CNTNAP5: variants seen among roughly 807,000 people sequenced by gnomAD.
CNTNAP5 encodes the protein contactin-associated protein-like 5.
A neutral mutation model predicts 150.2 loss-of-function variants in CNTNAP5; 72 were observed. That is an observed-to-expected ratio of 0.48 (90% CI 0.40 to 0.58). The LOEUF is 0.58. Ranked by LOEUF, CNTNAP5 falls within the 20% of genes least tolerant of loss-of-function variation. The pLI, the probability that CNTNAP5 is intolerant of heterozygous loss-of-function variation, is 0.00. For synonymous variants in CNTNAP5, 672 were observed against 619.8 expected (o/e 1.08, Z -1.25); for missense variants, 1,636 against 1,626.2 (o/e 1.01, Z -0.10).
intron 3 of CNTNAP5, among the ~76,000 whole-genome samples, chr2:124,292,225 C>T (rs929892116): frequency 3.3e-5 from 5 of 151,910 alleles, no homozygotes; most frequent in African/African-American, 1.2e-4. Context: ...GAACATTTCC[C>T]AGTATCTTTA....
intron 8 of CNTNAP5, among the ~76,000 whole-genome samples, chr2:124,519,462 G>T (rs1048850387): frequency 2.0e-5 from 3 of 152,178 alleles, no homozygotes; most frequent in African/African-American, 7.2e-5. Flanking sequence ...CAGGAGCAGG[G>T]CAGGGCTGGC....
intron 3 of CNTNAP5, among the ~76,000 whole-genome samples, chr2:124,274,396 G>T (rs184782991): frequency 2.0e-5 from 3 of 152,120 alleles, no homozygotes; most frequent in African/African-American, 7.2e-5. Context: ...TATTTTCACC[G>T]CTTTTTCCCT....
chr2:124,914,013 T>G (rs1253172220), intron 23 of CNTNAP5, 79 bp from the exon 24 acceptor site: 1 of 1,008,540 alleles, frequency 9.9e-7, no homozygotes, highest in East Asian at 2.5e-5. Context: ...CGCATTCCCC[T>G]CATCTGGAGG....
chr2:124,286,439 A>G (rs181481595), intron 3 of CNTNAP5, among the ~76,000 whole-genome samples: 3 of 152,292 alleles, frequency 2.0e-5, no homozygotes, highest in Admixed American at 2.0e-4. Flanking sequence ...TAGCTATCCT[A>G]ATTTCGTTGT....
rs145436301 is a variant in CNTNAP5 at position 124,158,748 on chromosome 2, T to C, written c.83-62957T>C. Among the ~76,000 whole-genome samples the C allele has an allele frequency of 1.1e-4, 17 of 152,350 alleles. No homozygotes were observed. In the East Asian group the frequency reaches 3.3e-3, roughly 29 times the overall value. ...TTATGTTCTTGTCCTCAAAATAGAT[T>C]GTTGCCTTTCTAGGCATCAGATTGG... is the stretch of plus-strand genomic sequence containing the variant. On this transcript the variant is annotated intron_variant, in intron 1 of 23. Transcript: ENST00000682447.
chr2:124,609,075 G>A (rs1247617860), intron 11 of CNTNAP5, among the ~76,000 whole-genome samples: 1 of 152,146 alleles, frequency 6.6e-6, no homozygotes, highest in East Asian at 1.9e-4. Context: ...TAGATGCTGG[G>A]GCACAACATC....
At chr2:124,674,509 C>CTTTCTTTCTTTCTTTCTT (rs1553430171) in intron 13 of CNTNAP5, among the ~76,000 whole-genome samples, 78 of 115,450 alleles carry the variant, frequency 6.8e-4, no homozygotes, top group South Asian at 1.3e-3. Context: ...TTCTTTCTTT[C>CTTTCTTTCTTTCTTTCTT]TCTTTCTTTC....
At chr2:124,051,156 G>A (rs1270339372) in intron 1 of CNTNAP5, among the ~76,000 whole-genome samples, 1 of 151,984 alleles carries the variant, frequency 6.6e-6, no homozygotes, top group African/African-American at 2.4e-5. Flanking sequence ...ATAGTTTGAG[G>A]CCTTAAAAAT....
At chr2:124,365,733 CAATT>C (rs936945686) in intron 3 of CNTNAP5, among the ~76,000 whole-genome samples, 3 of 152,266 alleles carry the variant, frequency 2.0e-5, no homozygotes, top group Non-Finnish European at 4.4e-5. Context: ...ATGAGACTGA[CAATT>C]AACTTAAAGA....
chr2:124,299,375 T>C (rs1196593989), intron 3 of CNTNAP5, among the ~76,000 whole-genome samples: 3 of 152,192 alleles, frequency 2.0e-5, no homozygotes, highest in African/African-American at 7.2e-5. Flanking sequence ...AGTGCATTTT[T>C]CCCTTCTATG....
Position 124,902,848 on chromosome 2 carries a change from A to C in CNTNAP5, c.3437-34A>C, listed in dbSNP as rs1192867797. 2.7e-6 allele frequency: 4 copies of C among 1,509,256 alleles called. No individual in the cohort carries two copies. The African/African-American group carries it at 4.2e-5, about 16-fold the overall frequency. The allele number at this position is 1,509,256 out of a possible 1,614,324, so 93.5% of individuals were successfully genotyped here. ...CATATAATTTGGAAAAAACAAAAAA[A>C]GTAAAGGACTTCTGATTATCTTTTA... On this transcript the variant is annotated intron_variant, in intron 21 of 23. Coordinates refer to ENST00000682447, the MANE Select transcript of CNTNAP5 (RefSeq NM_001367498.1).
In CNTNAP5 at chr2:124,025,737, G is replaced by A. The variant is rs952668198; in HGVS notation, c.82+5G>A. 1 of 1,610,204 alleles carries A rather than the reference G, an allele frequency of 6.2e-7. No homozygotes were observed. ...TAGGATTAACAGCGACAAACTGTGAGTACGAGGAGCTGGGGGCGGGAAGGT... is the reference window on the plus strand; with the variant it reads ...TAGGATTAACAGCGACAAACTGTGAATACGAGGAGCTGGGGGCGGGAAGGT... On this transcript the variant is annotated splice_donor_5th_base_variant and intron_variant, in intron 1 of 23. Coordinates refer to ENST00000682447, the MANE Select transcript of CNTNAP5 (RefSeq NM_001367498.1).
rs182377424 is a variant in CNTNAP5, at chr2:124,716,275, C to G, written c.2078-30954C>G. On this transcript the variant is annotated intron_variant, in intron 13 of 23. Transcript: ENST00000682447. The stretch of plus-strand genomic sequence containing the variant: ...TACAATTTTTCTCATGGTAATAACC[C>G]TAAATGTGTGGCACCATCATCCATT... Among the ~76,000 whole-genome samples the G allele has an allele frequency of 2.5e-3, 380 of 152,210 alleles. 1 individual carries two copies. The highest frequency in any genetic ancestry group is 4.0e-3 in the Non-Finnish European group (273 of 68,014).
chr2:124,841,881 C>T (rs1316172176), intron 19 of CNTNAP5, among the ~76,000 whole-genome samples: 3 of 152,056 alleles, frequency 2.0e-5, no homozygotes, highest in Admixed American at 6.6e-5. Context: ...AACCAGGTAA[C>T]AAACCACAAA....
chr2:124,284,975 T>C (rs2104627219), intron 3 of CNTNAP5, among the ~76,000 whole-genome samples: 1 of 152,210 alleles, frequency 6.6e-6, no homozygotes, highest in Non-Finnish European at 1.5e-5. Flanking sequence ...TGGAGTGCAA[T>C]GGCATGATCA....
intron 1 of CNTNAP5, among the ~76,000 whole-genome samples, chr2:124,101,974 G>T (rs79031171): frequency 1.3e-5 from 2 of 152,090 alleles, no homozygotes; most frequent in African/African-American, 4.8e-5. Flanking sequence ...AGGCTGGTGG[G>T]GTTGCTGACA....
Position 124,885,881 on chromosome 2 carries a change from A to T in CNTNAP5, c.3436+16119A>T, listed in dbSNP as rs147706983. ...TCTATTGTCCTTTGATGAACATTTG[A>T]ATTGTTTCCATATTTTGGCTGTTGT... On this transcript the variant is annotated intron_variant, in intron 21 of 23. Coordinates refer to ENST00000682447, the MANE Select transcript of CNTNAP5 (RefSeq NM_001367498.1). Among the ~76,000 whole-genome samples, 199 of 152,142 alleles carry T rather than the reference A, an allele frequency of 1.3e-3. 1 individual carries two copies. Among genetic ancestry groups the T allele is most frequent in the African/African-American group, 4.6e-3 (192 of 41,496 alleles).
At chr2:124,682,360 C>T (rs1207523141) in intron 13 of CNTNAP5, among the ~76,000 whole-genome samples, 1 of 152,162 alleles carries the variant, frequency 6.6e-6, no homozygotes, top group Non-Finnish European at 1.5e-5. Context: ...TCTCCCCAAA[C>T]CAGCTGAGGT....
At chr2:124,234,723 A>C (rs1196222172) in intron 2 of CNTNAP5, among the ~76,000 whole-genome samples, 2 of 152,174 alleles carry the variant, frequency 1.3e-5, no homozygotes, top group African/African-American at 4.8e-5. Flanking sequence ...TGAAACAGGC[A>C]GACAGACCTC....
Sources: gnomAD v4.1 joint callset for allele counts (sites outside exome capture counted in the v4.1 genomes callset) on GRCh38, gnomAD v4.1.1 for gene constraint, MANE v1.5 for transcripts, NCBI Gene and HGNC (gene_info 2026-07-23, HGNC 2026-07-21) for gene names.